Variants in BET1 observed in about 807,000 individuals in gnomAD.
BET1 encodes Bet1 golgi vesicular membrane trafficking protein.
A neutral mutation model predicts 13.9 loss-of-function variants in BET1; 9 were observed. The observed-to-expected ratio is 0.65, with a 90% CI of 0.39 to 1.13. BET1 has a LOEUF of 1.13. Among genes scored for constraint, BET1 ranks in the 50% most tolerant of loss-of-function variants. The probability of loss-of-function intolerance (pLI) is 0.01; values close to 1 mark genes in which losing one functional copy is unlikely to be tolerated. For missense variants in BET1, 127 were observed against 133.6 expected, an observed-to-expected ratio of 0.95 and a Z score of 0.24; for synonymous variants, 39 against 47.3, an observed-to-expected ratio of 0.82 and a Z score of 0.72.
At chr7:93,966,619 G>A (rs1486441345) in intron 6 of BET1, among the ~76,000 whole-genome samples, 1 of 149,314 alleles carries the variant, frequency 6.7e-6, no homozygotes, top group African/African-American at 2.5e-5. Context: ...TTTTTTTTTG[G>A]TGGGAGATAG....
intron 1 of BET1, among the ~76,000 whole-genome samples, chr7:93,999,924 T>C (rs1288060596): frequency 6.6e-6 from 1 of 152,160 alleles, no homozygotes; most frequent in East Asian, 1.9e-4. Flanking sequence ...GATCCACTGT[T>C]CTTTCTAGGT....
At chr7:93,999,844 A>T (rs1795856910) in intron 1 of BET1, 1 of 366,822 alleles carries the variant, frequency 2.7e-6, no homozygotes, top group Non-Finnish European at 5.4e-6. Context: ...CTTATGCAGA[A>T]TGCTAGCTGA....
At chr7:93,983,763 GA>G (rs1028892693) in intron 4 of BET1, among the ~76,000 whole-genome samples, 4 of 149,176 alleles carry the variant, frequency 2.7e-5, no homozygotes, top group African/African-American at 7.4e-5. Flanking sequence ...TTGCAAAAAA[GA>G]AAAAAAAAGG....
In BET1 at chr7:93,988,215, C is replaced by T. The variant is rs1401905889; in HGVS notation, c.235+6137G>A. Among the ~76,000 whole-genome samples, 9 of 152,126 alleles carry T rather than the reference C, an allele frequency of 5.9e-5. No individual in the cohort carries two copies. In the South Asian group the frequency reaches 1.5e-3, roughly 25 times the overall value. The stretch of plus-strand genomic sequence containing the variant: ...CTTAATGGAAAACACAGGTGTTTAA[C>T]ATAAGGTCCTTTATGTTGATACACA... On this transcript the variant is annotated intron_variant and NMD_transcript_variant, in intron 4 of 6. Transcript: ENST00000357520.
At chr7:94,002,830 C>T (rs1040918359) in intron 1 of BET1, among the ~76,000 whole-genome samples, 1 of 152,156 alleles carries the variant, frequency 6.6e-6, no homozygotes, top group African/African-American at 2.4e-5. Flanking sequence ...TCACTTCCCC[C>T]ACTCTCCATT....
chr7:93,967,809 T>C (rs183646561), intron 6 of BET1, among the ~76,000 whole-genome samples: 1 of 151,902 alleles, frequency 6.6e-6, no homozygotes, highest in East Asian at 1.9e-4. Flanking sequence ...CCAGTTCTAT[T>C]TGTGACATCT....
chr7:93,994,204 A>G lies in BET1; in HGVS notation c.*26T>C. 1 of 1,582,638 alleles carries G rather than the reference A, an allele frequency of 6.3e-7. No homozygotes were observed. Among genetic ancestry groups the G allele is most frequent in the Non-Finnish European group, 8.6e-7 (1 of 1,164,308 alleles). Reference sequence around the variant, plus strand: ...GTACTGCAAGCCATTAAGTTGGAACAAATTCCAAATTCACAATTACATGCA... The same window carrying G: ...GTACTGCAAGCCATTAAGTTGGAACGAATTCCAAATTCACAATTACATGCA... On this transcript the variant is annotated 3_prime_UTR_variant, in exon 4 of 4. Transcript: ENST00000222547.
chr7:93,998,195 T>C (rs1795813486), intron 2 of BET1, among the ~76,000 whole-genome samples: 1 of 152,200 alleles, frequency 6.6e-6, no homozygotes, highest in Non-Finnish European at 1.5e-5. Context: ...CTAAGGCCAA[T>C]TTTTGAAAGA....
rs1795702849 is a variant in BET1, at chr7:93,994,106, CA to C, written c.*123del. ...TGTGATTTATAAAATAAGCAAAATTCAGCAATTTTCAATGGAAAATGCCACA... is the reference window on the plus strand; with the variant it reads ...TGTGATTTATAAAATAAGCAAAATTCGCAATTTTCAATGGAAAATGCCACA... On this transcript the variant is annotated 3_prime_UTR_variant, in exon 4 of 4. Transcript: ENST00000222547. The C allele has an allele frequency of 6.9e-7, 1 of 1,445,840 alleles. No homozygotes were observed. The highest frequency in any genetic ancestry group is 2.8e-5 in the Admixed American group (1 of 35,802). 89.6% of individuals were successfully genotyped at this position (1,445,840 alleles called of 1,614,324 possible).
At position 93,994,031 on chromosome 7, in the gene BET1, C is replaced by A; in HGVS notation, c.*199G>T. The A allele has an allele frequency of 6.8e-7, 1 of 1,480,426 alleles. No individual in the cohort carries two copies. Among genetic ancestry groups the A allele is most frequent in the Non-Finnish European group, 8.9e-7 (1 of 1,123,768 alleles). 91.7% of individuals were successfully genotyped at this position (1,480,426 alleles called of 1,614,324 possible). A position where few individuals can be genotyped will look rare whatever the true frequency, so the allele number is the denominator to read the frequency against. Reference sequence around the variant, plus strand: ...CTCTCACTACCCCTGAAAATAGGGGCTAAAATGAGTCATTAAGAAACAGTA... The same window carrying A: ...CTCTCACTACCCCTGAAAATAGGGGATAAAATGAGTCATTAAGAAACAGTA... On this transcript the variant is annotated 3_prime_UTR_variant, in exon 4 of 4. Transcript: ENST00000222547.
At chr7:93,965,754 A>G (rs549986493) in intron 6 of BET1, 1 of 152,104 alleles carries the variant, frequency 6.6e-6, no homozygotes, top group African/African-American at 2.4e-5. Context: ...CTTAAAATAT[A>G]TTATTGAAAC....
chr7:93,998,334 G>T (rs1795816582), intron 2 of BET1, among the ~76,000 whole-genome samples: 1 of 152,140 alleles, frequency 6.6e-6, no homozygotes, highest in Admixed American at 6.5e-5. Flanking sequence ...TGATTATATA[G>T]CTCAGATCAT....
At chr7:93,979,792 A>G (rs1003757213) in intron 4 of BET1, among the ~76,000 whole-genome samples, 3 of 151,876 alleles carry the variant, frequency 2.0e-5, no homozygotes, top group Non-Finnish European at 2.9e-5. Flanking sequence ...AGGGTTGCTC[A>G]GGGAACTGGC....
At chr7:93,975,516 T>C (rs762277937) in intron 5 of BET1, among the ~76,000 whole-genome samples, 8 of 152,120 alleles carry the variant, frequency 5.3e-5, no homozygotes, top group Non-Finnish European at 8.8e-5. Context: ...AAATCCCTTA[T>C]GTATGGCTTT....
intron 2 of BET1, among the ~76,000 whole-genome samples, chr7:93,998,588 A>G (rs187541045): frequency 8.3e-4 from 127 of 152,230 alleles, no homozygotes; most frequent in Middle Eastern, 3.4e-3. Context: ...AATCGCAGCT[A>G]TTTGGGAGGC....
intron 1 of BET1, among the ~76,000 whole-genome samples, chr7:94,001,494 T>C (rs186876550): frequency 6.6e-6 from 1 of 152,212 alleles, no homozygotes; most frequent in Admixed American, 6.5e-5. Flanking sequence ...CAACAAAATA[T>C]TGAAGAAGTA....
At chr7:93,992,053 C>T, downstream of BET1, 4 of 985,390 alleles carry the variant, frequency 4.1e-6, no homozygotes, top group Non-Finnish European at 4.8e-6. Flanking sequence ...AAAGAGGGTG[C>T]TGGCAGAAGG....
chr7:93,981,872 C>T (rs1043670917), intron 4 of BET1, among the ~76,000 whole-genome samples: 1 of 152,156 alleles, frequency 6.6e-6, no homozygotes. Context: ...GCAGAAGTCA[C>T]GGCATTAAAC....
chr7:93,965,098 C>G (rs763324154), exon 7 of BET1: 9 of 152,042 alleles, frequency 5.9e-5, no homozygotes, highest in Non-Finnish European at 1.3e-4. Flanking sequence ...GTGCCCGGAG[C>G]TACACATGTT....
Sources: allele counts gnomAD v4.1 joint callset (sites outside exome capture counted in the v4.1 genomes callset), GRCh38; gene constraint gnomAD v4.1.1; transcripts MANE v1.5; gene names NCBI Gene and HGNC (gene_info 2026-07-23, HGNC 2026-07-21).